The following FRMD6 variants were observed in gnomAD, a reference collection of about 807,000 sequenced individuals.
FRMD6 encodes FERM domain-containing protein 6.
Under a neutral mutation model 73.2 loss-of-function variants are expected in FRMD6, and 37 were observed. That is an observed-to-expected ratio of 0.51 (90% CI 0.39 to 0.66). The LOEUF is 0.66. FRMD6 is among the 30% of genes least tolerant of loss of function. The probability of loss-of-function intolerance (pLI) is 0.00; values close to 1 mark genes in which losing one functional copy is unlikely to be tolerated. For synonymous variants in FRMD6, 273 were observed against 282.2 expected (o/e 0.97, Z 0.33); for missense variants, 714 against 780.5 (o/e 0.91, Z 1.02).
intron 2 of FRMD6, among the ~76,000 whole-genome samples, chr14:51,584,860 G>A (rs1331498672): frequency 1.3e-5 from 2 of 152,082 alleles, no homozygotes; most frequent in Non-Finnish European, 2.9e-5. Context: ...GTTCTACAAC[G>A]CTTCTGTGAC....
the FRMD6 span, among the ~76,000 whole-genome samples, chr14:51,477,737 C>CTTTTTTTT: frequency 4.2e-4 from 57 of 134,182 alleles, 1 homozygote; most frequent in African/African-American, 1.2e-3. Context: ...TTTTCTTTTT[C>CTTTTTTTT]TTTTTTTTTT....
chr14:51,706,572 T>C (rs1373352422), intron 6 of FRMD6, among the ~76,000 whole-genome samples: 1 of 152,014 alleles, frequency 6.6e-6, no homozygotes. Flanking sequence ...TACTGTGGTG[T>C]TTCATGCTTC....
chr14:51,521,260 A>G (rs1422960868), intron 1 of FRMD6, among the ~76,000 whole-genome samples: 2 of 152,208 alleles, frequency 1.3e-5, no homozygotes, highest in African/African-American at 4.8e-5. Context: ...GTAGTTCTGT[A>G]AGGTTAATTT....
At chr14:51,402,589 A>C in the FRMD6 span, among the ~76,000 whole-genome samples, 60 of 151,794 alleles carry the variant, frequency 4.0e-4, no homozygotes, top group African/African-American at 1.3e-3. Flanking sequence ...AAGTCCATTA[A>C]ACCTCTTTCT....
At chr14:51,423,921 T>C in the FRMD6 span, among the ~76,000 whole-genome samples, 18 of 152,310 alleles carry the variant, frequency 1.2e-4, no homozygotes, top group African/African-American at 4.3e-4. Context: ...GGAAGTAAAA[T>C]GTATAATTCT....
At chr14:51,445,087 G>A in the FRMD6 span, among the ~76,000 whole-genome samples, 2,811 of 152,212 alleles carry the variant, frequency 0.018, 95 homozygotes, top group African/African-American at 0.065. Flanking sequence ...CTGCCATCCA[G>A]TTGACCACCA....
the FRMD6 span, among the ~76,000 whole-genome samples, chr14:51,458,455 G>A: frequency 6.6e-6 from 1 of 152,124 alleles, no homozygotes; most frequent in Non-Finnish European, 1.5e-5. Context: ...TTATCTCCAA[G>A]GGTTTTTGTT....
At chr14:51,515,666 T>A (rs997686322) in intron 1 of FRMD6, among the ~76,000 whole-genome samples, 1 of 152,196 alleles carries the variant, frequency 6.6e-6, no homozygotes, top group African/African-American at 2.4e-5. Flanking sequence ...CACCAATTTC[T>A]GGGAATAAAC....
At chr14:51,571,131 T>G (rs1405275157) in intron 2 of FRMD6, among the ~76,000 whole-genome samples, 8 of 152,174 alleles carry the variant, frequency 5.3e-5, no homozygotes, top group Non-Finnish European at 1.2e-4. Context: ...CCCAGCACTT[T>G]GGGAGGCTGA....
chr14:51,591,705 G>A (rs1889407030), intron 2 of FRMD6, among the ~76,000 whole-genome samples: 1 of 152,198 alleles, frequency 6.6e-6, no homozygotes, highest in South Asian at 2.1e-4. Flanking sequence ...ACCATGCCCA[G>A]CTAACTTTTG....
intron 2 of FRMD6, among the ~76,000 whole-genome samples, chr14:51,587,298 A>T (rs900831499): frequency 2.0e-5 from 3 of 151,738 alleles, no homozygotes; most frequent in Non-Finnish European, 4.4e-5. Context: ...TAGTAGATTG[A>T]GGTGGCTTCT....
At chr14:51,558,852 G>A (rs1465838483) in intron 1 of FRMD6, among the ~76,000 whole-genome samples, 1 of 152,074 alleles carries the variant, frequency 6.6e-6, no homozygotes, top group African/African-American at 2.4e-5. Context: ...TATCACTGGT[G>A]TCTGTACCTC....
intron 1 of FRMD6, among the ~76,000 whole-genome samples, chr14:51,549,591 C>CTTTT (rs1168905376): frequency 0.014 from 1,315 of 93,214 alleles, 111 homozygotes; most frequent in East Asian, 0.09. Context: ...CTTTTTTTTT[C>CTTTT]TTTCTTTTTT....
intron 1 of FRMD6, among the ~76,000 whole-genome samples, chr14:51,539,591 A>T (rs1049549190): frequency 6.6e-6 from 1 of 152,142 alleles, no homozygotes; most frequent in Non-Finnish European, 1.5e-5. Flanking sequence ...CATACCATCT[A>T]TGTAACCAAT....
At chr14:51,658,149 G>A (rs1892971318) in intron 1 of FRMD6, among the ~76,000 whole-genome samples, 1 of 152,184 alleles carries the variant, frequency 6.6e-6, no homozygotes, top group African/African-American at 2.4e-5. Flanking sequence ...CTCACTGCCT[G>A]GAGGATGGGT....
intron 2 of FRMD6, among the ~76,000 whole-genome samples, chr14:51,624,004 A>T (rs1174990045): frequency 6.6e-6 from 1 of 152,232 alleles, no homozygotes; most frequent in Non-Finnish European, 1.5e-5. Context: ...TTGCAGGGAC[A>T]TGGATGGATC....
At chr14:51,628,782 CAG>C (rs1260473950) in intron 2 of FRMD6, among the ~76,000 whole-genome samples, 2 of 97,030 alleles carry the variant, frequency 2.1e-5, no homozygotes, top group Admixed American at 1.7e-4. Flanking sequence ...GCCTGGGTGA[CAG>C]AGCAAGACTC....
chr14:51,507,344 A>C (rs566251385), intron 1 of FRMD6, among the ~76,000 whole-genome samples: 99 of 151,068 alleles, frequency 6.6e-4, no homozygotes, highest in African/African-American at 2.2e-3. Flanking sequence ...TGCTAAGTGA[A>C]GATCCAGCAG....
the FRMD6 span, among the ~76,000 whole-genome samples, chr14:51,423,922 G>C: frequency 3.9e-3 from 588 of 152,302 alleles, 2 homozygotes; most frequent in East Asian, 8.5e-3. Flanking sequence ...GAAGTAAAAT[G>C]TATAATTCTT....
Sources: gnomAD v4.1 joint callset for allele counts (sites outside exome capture counted in the v4.1 genomes callset) on GRCh38, gnomAD v4.1.1 for gene constraint, MANE v1.5 for transcripts, NCBI Gene and HGNC (gene_info 2026-07-23, HGNC 2026-07-21) for gene names.